Variants in RPIA observed in about 807,000 individuals in gnomAD.
RPIA encodes ribose-5-phosphate isomerase.
Under a neutral mutation model 37.8 loss-of-function variants are expected in RPIA, and 29 were observed. The observed-to-expected ratio is 0.77, with a 90% confidence interval of 0.57 to 1.05. RPIA has a LOEUF of 1.05. Among genes scored for constraint, RPIA ranks in the 50% least tolerant of loss-of-function variants. RPIA has a pLI of 0.00. For synonymous variants in RPIA, 167 were observed against 157.0 expected (o/e 1.06, Z -0.48); for missense variants, 385 against 413.6 (o/e 0.93, Z 0.60).
intron 3 of RPIA, among the ~76,000 whole-genome samples, chr2:88,721,544 T>A (rs1017384593): frequency 1.2e-5 from 1 of 82,932 alleles, no homozygotes; most frequent in Admixed American, 1.7e-4. Context: ...ATATATATTA[T>A]ACACACACAC....
At chr2:88,692,072 T>C (rs572809791) in intron 1 of RPIA, 89 bp downstream of exon 1, 2 of 1,471,960 alleles carry the variant, frequency 1.4e-6, no homozygotes, top group African/African-American at 2.8e-5. Context: ...GGGGCGCGCC[T>C]AGCTCCTGGC....
intron 7 of RPIA, 69 bp from the exon 8 acceptor site, chr2:88,737,908 T>C: frequency 1.7e-6 from 2 of 1,161,444 alleles, no homozygotes; most frequent in Non-Finnish European, 2.6e-6. Flanking sequence ...GGTTATCCCC[T>C]CTACTTTCCT....
At chr2:88,737,929 G>T in intron 7 of RPIA, 48 bp from the exon 8 acceptor site, 1 of 1,396,924 alleles carries the variant, frequency 7.2e-7, no homozygotes, top group Non-Finnish European at 1.0e-6. Context: ...GTCCTTCTCT[G>T]CCTACCTGTA....
intron 3 of RPIA, among the ~76,000 whole-genome samples, chr2:88,723,334 A>G (rs1184996075): frequency 6.6e-6 from 1 of 152,226 alleles, no homozygotes; most frequent in Non-Finnish European, 1.5e-5. Flanking sequence ...ACAACAAAAA[A>G]TGTTAAACTC....
rs548091092 is a variant in RPIA at position 88,696,251 on chromosome 2, C to CTGAAGTTGCTTATTCGAT, written c.286-2228_286-2211dup. On this transcript the variant is annotated intron_variant, in intron 1 of 8. Coordinates refer to ENST00000283646, the MANE Select transcript of RPIA (RefSeq NM_144563.3). ...TTGATGTTTCAGCGAATTGAACTTCCTGAAGTTGCTTATTCGATTGAAATG... is the reference window on the plus strand; with the variant it reads ...TTGATGTTTCAGCGAATTGAACTTCCTGAAGTTGCTTATTCGATTGAAGTTGCTTATTCGATTGAAATG... Among the ~76,000 whole-genome samples, 370 of 152,224 alleles carry CTGAAGTTGCTTATTCGAT rather than the reference C, an allele frequency of 2.4e-3. 1 individual carries two copies. Among genetic ancestry groups the CTGAAGTTGCTTATTCGAT allele is most frequent in the African/African-American group, 8.4e-3 (350 of 41,512 alleles).
intron 3 of RPIA, among the ~76,000 whole-genome samples, chr2:88,707,275 C>T (rs1672909173): frequency 6.6e-6 from 1 of 151,856 alleles, no homozygotes; most frequent in Non-Finnish European, 1.5e-5. Context: ...TCTGTTTAGA[C>T]TGGTAAATAT....
intron 3 of RPIA, among the ~76,000 whole-genome samples, chr2:88,719,989 C>G (rs1673099507): frequency 6.6e-6 from 1 of 152,112 alleles, no homozygotes; most frequent in Admixed American, 6.6e-5. Context: ...ACCTGTTCCA[C>G]AGTAGTCCCT....
At chr2:88,729,172 A>C in intron 3 of RPIA, 106 bp from the exon 4 acceptor site, 2 of 1,196,844 alleles carry the variant, frequency 1.7e-6, no homozygotes, top group South Asian at 1.3e-5. Context: ...GGGCTTTGGG[A>C]GAGAGCCTGG....
chr2:88,694,674 C>A (rs1012714868), intron 1 of RPIA, among the ~76,000 whole-genome samples: 1 of 152,168 alleles, frequency 6.6e-6, no homozygotes, highest in Non-Finnish European at 1.5e-5. Flanking sequence ...CCTTCTCCTT[C>A]CCTCCTTCCA....
chr2:88,701,141 G>A (rs900364697), intron 3 of RPIA, among the ~76,000 whole-genome samples: 2 of 152,178 alleles, frequency 1.3e-5, no homozygotes, highest in Non-Finnish European at 1.5e-5. Context: ...TAGGGAGTTG[G>A]ATAGTGCATA....
In RPIA at chr2:88,738,028, C is replaced by G; in HGVS notation, c.790C>G (p.Arg264Gly). ...GNFILDWKFD[R>G]VHKWSEVNTA... is the part of the protein sequence containing the mutation. ...TTTTATCTTGGACTGGAAGTTTGAC[C>G]GGGTACACAAATGGAGTGAAGTGAA... Residue 264 changes from arginine to glycine, a missense_variant, in exon 8 of 9, where the codon CGG becomes GGG. Physicochemically the swap from Arg to Gly is moderately radical, Grantham distance 125. Around this residue, in one of 2 missense-constraint regions of RPIA, gnomAD observed 153 missense variants for 210.6 expected, o/e 0.73. Transcript: ENST00000283646. 1 of 1,613,886 alleles carries G rather than the reference C, an allele frequency of 6.2e-7. No individual in the cohort carries two copies. Among genetic ancestry groups the G allele is most frequent in the South Asian group, 1.1e-5 (1 of 91,056 alleles).
Position 88,750,301 on chromosome 2 carries a change from A to G in RPIA, c.*223A>G, listed in dbSNP as rs1043594321. On this transcript the variant is annotated 3_prime_UTR_variant, in exon 9 of 9. Coordinates refer to ENST00000283646, the MANE Select transcript of RPIA (RefSeq NM_144563.3). The stretch of plus-strand genomic sequence containing the variant: ...AAACATATATTTTTACTATTAAAAT[A>G]TTCAGTTTTTTAAATGAAGTAGAAC... 2.5e-6 allele frequency: 1 copy of G among 407,612 alleles called. No homozygotes were observed. The highest frequency in any genetic ancestry group is 4.4e-6 in the Non-Finnish European group (1 of 227,974). 25.2% of individuals were successfully genotyped at this position (407,612 alleles called of 1,614,324 possible).
chr2:88,718,078 G>A (rs1237007009), intron 3 of RPIA, among the ~76,000 whole-genome samples: 3 of 152,152 alleles, frequency 2.0e-5, no homozygotes, highest in African/African-American at 7.2e-5. Flanking sequence ...ATTCGGAACA[G>A]TGGGGAAAAA....
chr2:88,722,849 C>G (rs1005871385), intron 3 of RPIA, among the ~76,000 whole-genome samples: 2 of 152,160 alleles, frequency 1.3e-5, no homozygotes, highest in Admixed American at 6.5e-5. Context: ...TAAAGGGGTT[C>G]AACTCATTAT....
intron 3 of RPIA, among the ~76,000 whole-genome samples, chr2:88,722,680 A>G (rs925574805): frequency 1.3e-5 from 2 of 152,236 alleles, no homozygotes; most frequent in African/African-American, 2.4e-5. Flanking sequence ...TCACAGTACA[A>G]GGTGATCTCT....
chr2:88,724,166 T>G (rs1267802089), intron 3 of RPIA, among the ~76,000 whole-genome samples: 16 of 152,164 alleles, frequency 1.1e-4, no homozygotes, highest in African/African-American at 3.6e-4. Flanking sequence ...GGAAAGTGGT[T>G]GTTGTTTCTG....
chr2:88,694,351 C>T (rs1270731410), intron 1 of RPIA, among the ~76,000 whole-genome samples: 3 of 152,244 alleles, frequency 2.0e-5, no homozygotes, highest in Admixed American at 6.5e-5. Context: ...TTATACAGAG[C>T]TTGTCTGATT....
chr2:88,750,062 A>G lies in RPIA; in HGVS notation c.920A>G (p.Glu307Gly), dbSNP rs748677263. 1.2e-6 allele frequency: 2 copies of G among 1,612,282 alleles called. No homozygotes were observed. The highest frequency in any genetic ancestry group is 1.7e-5 in the Admixed American group (1 of 59,976). The part of the protein sequence containing the change: ...GMQDGSVNMR[E>G]KPFC ...CAGGATGGCTCAGTGAACATGAGGG[A>G]GAAGCCTTTCTGTTGACCCTGCAAG... The change falls in exon 9 of 9, where the codon GAG (glutamate) becomes GGG (glycine). Residue 307 changes from glutamate (E) to glycine (G), a missense_variant. Physicochemically the swap from Glu to Gly is moderately conservative, Grantham distance 98. Transcript: ENST00000283646.
rs1676938543 is a variant in RPIA, at chr2:88,691,854, T to C, written c.156T>C (p.Arg52=). 1.9e-6 allele frequency: 3 copies of C among 1,595,012 alleles called. No individual in the cohort carries two copies. Among genetic ancestry groups the C allele is most frequent in the Non-Finnish European group, 2.6e-6 (3 of 1,172,258 alleles). The change falls in exon 1 of 9, where the codon CGT becomes CGC. Residue 52 remains arginine, a synonymous_variant. Transcript: ENST00000283646. The stretch of plus-strand genomic sequence containing the variant: ...CGGGGCGTGCACAGTCTGGGACCCG[T>C]GGCGGTGCTGGCAACACAAGCACCA... The part of the protein sequence containing the change: ...RLPGRAQSGT[R]GGAGNTSTSC...
Sources: gnomAD v4.1 joint callset for allele counts (sites outside exome capture counted in the v4.1 genomes callset) on GRCh38, gnomAD v4.1.1 for gene constraint, gnomAD v4.1.1 regional missense constraint, MANE v1.5 for transcripts, NCBI Gene and HGNC (gene_info 2026-07-23, HGNC 2026-07-21) for gene names.